The following EPHA6 variants were observed in gnomAD, a reference collection of about 807,000 sequenced individuals.
EPHA6 encodes EPH receptor A6.
A neutral mutation model predicts 112.0 loss-of-function variants in EPHA6; 50 were observed. The observed-to-expected ratio is 0.45, with a 90% CI of 0.36 to 0.56. The LOEUF is 0.56. Among genes scored for constraint, EPHA6 ranks in the 20% least tolerant of loss-of-function variants. EPHA6 has a pLI of 0.00. For synonymous variants in EPHA6, 529 were observed against 490.7 expected (o/e 1.08, Z -1.03); for missense variants, 1,280 against 1,417.4 (o/e 0.90, Z 1.56).
At chr3:97,122,246 G>A (rs1474579344) in intron 3 of EPHA6, among the ~76,000 whole-genome samples, 1 of 152,016 alleles carries the variant, frequency 6.6e-6, no homozygotes, top group Non-Finnish European at 1.5e-5. Context: ...AATCTCAGTT[G>A]CTTCTATGGT....
chr3:97,204,972 A>G (rs1224976866), intron 3 of EPHA6, among the ~76,000 whole-genome samples: 1 of 152,122 alleles, frequency 6.6e-6, no homozygotes, highest in Admixed American at 6.6e-5. Context: ...TATATTTTCC[A>G]TTAAAATTAC....
At chr3:97,137,528 A>T (rs949498849) in intron 3 of EPHA6, among the ~76,000 whole-genome samples, 21 of 152,214 alleles carry the variant, frequency 1.4e-4, no homozygotes, top group African/African-American at 5.1e-4. Context: ...GTACATGCTA[A>T]TGCTCATAAC....
intron 11 of EPHA6, among the ~76,000 whole-genome samples, chr3:97,591,611 C>G (rs1317337482): frequency 1.3e-5 from 2 of 151,932 alleles, no homozygotes; most frequent in Admixed American, 1.3e-4. Flanking sequence ...TTTGATTGGC[C>G]GTATCAGTTA....
chr3:97,044,500 A>G (rs1185385484), intron 3 of EPHA6, among the ~76,000 whole-genome samples: 2 of 152,176 alleles, frequency 1.3e-5, no homozygotes, highest in Non-Finnish European at 2.9e-5. Context: ...CTGATAAGTG[A>G]TGAGGAATGA....
intron 3 of EPHA6, among the ~76,000 whole-genome samples, chr3:97,123,099 C>A (rs1041011125): frequency 4.6e-5 from 7 of 151,970 alleles, no homozygotes; most frequent in African/African-American, 1.7e-4. Context: ...TTCATTTCAT[C>A]ACTTATCCAA....
chr3:97,202,443 G>A (rs1391312718), intron 3 of EPHA6, among the ~76,000 whole-genome samples: 3 of 151,650 alleles, frequency 2.0e-5, no homozygotes, highest in Admixed American at 2.0e-4. Context: ...CTACTTCCTG[G>A]ACTCAAGTCT....
chr3:96,907,312 T>C (rs2038986766), intron 2 of EPHA6, among the ~76,000 whole-genome samples: 1 of 151,860 alleles, frequency 6.6e-6, no homozygotes, highest in Non-Finnish European at 1.5e-5. Context: ...AAAGGTGTCA[T>C]TTATTATATA....
intron 3 of EPHA6, among the ~76,000 whole-genome samples, chr3:97,223,566 G>A (rs1331517568): frequency 6.6e-6 from 1 of 152,182 alleles, no homozygotes; most frequent in Non-Finnish European, 1.5e-5. Flanking sequence ...TGGGGGTGGG[G>A]AGCAAAACCA....
chr3:96,909,494 T>G (rs2039107804), intron 2 of EPHA6, among the ~76,000 whole-genome samples: 1 of 152,066 alleles, frequency 6.6e-6, no homozygotes, highest in Non-Finnish European at 1.5e-5. Flanking sequence ...TATGAGATTT[T>G]AAATTGACTA....
intron 2 of EPHA6, among the ~76,000 whole-genome samples, chr3:96,873,457 C>G (rs190846636): frequency 1.3e-5 from 2 of 152,210 alleles, no homozygotes; most frequent in African/African-American, 4.8e-5. Flanking sequence ...TTTCAACTGT[C>G]ACAAACATTA....
chr3:97,161,663 T>C (rs1324841699), intron 3 of EPHA6, among the ~76,000 whole-genome samples: 3 of 152,078 alleles, frequency 2.0e-5, no homozygotes, highest in African/African-American at 4.8e-5. Context: ...AACTTACCCT[T>C]CACCTTAGAA....
chr3:97,261,349 A>C (rs536350144), intron 5 of EPHA6, among the ~76,000 whole-genome samples: 29 of 152,306 alleles, frequency 1.9e-4, no homozygotes, highest in African/African-American at 6.7e-4. Context: ...AGTCAGATAC[A>C]CCATATCTCT....
intron 4 of EPHA6, among the ~76,000 whole-genome samples, chr3:97,230,174 T>C (rs865891013): frequency 1.3e-5 from 2 of 152,250 alleles, no homozygotes; most frequent in Admixed American, 6.5e-5. Flanking sequence ...TATCTTTTTA[T>C]TTTCTTAGGA....
chr3:97,607,464 T>C (rs2093688512), intron 12 of EPHA6, among the ~76,000 whole-genome samples: 1 of 151,128 alleles, frequency 6.6e-6, no homozygotes, highest in Admixed American at 6.6e-5. Context: ...GTTTTTGCAA[T>C]CCATCGTCTC....
intron 5 of EPHA6, among the ~76,000 whole-genome samples, chr3:97,271,326 T>A (rs2079871713): frequency 1.3e-5 from 2 of 152,248 alleles, no homozygotes; most frequent in South Asian, 4.1e-4. Context: ...TATTAAATGG[T>A]ATTTTACTGT....
intron 5 of EPHA6, among the ~76,000 whole-genome samples, chr3:97,284,587 G>A (rs367967759): frequency 1.3e-5 from 2 of 152,062 alleles, no homozygotes; most frequent in South Asian, 2.1e-4. Context: ...CTCCAAACAC[G>A]TGACTGCTGA....
intron 5 of EPHA6, among the ~76,000 whole-genome samples, chr3:97,275,856 A>G (rs1323154779): frequency 6.6e-6 from 1 of 151,946 alleles, no homozygotes; most frequent in Non-Finnish European, 1.5e-5. Flanking sequence ...GGAGGATGCA[A>G]AGGAGGCTTT....
chr3:97,364,329 T>A lies in EPHA6; in HGVS notation c.1607-40821T>A, dbSNP rs532414279. Among the ~76,000 whole-genome samples, 234 of 151,584 alleles carry A rather than the reference T, an allele frequency of 1.5e-3. 1 individual carries two copies. Among genetic ancestry groups the A allele is most frequent in the Non-Finnish European group, 2.5e-3 (170 of 67,812 alleles). ...AACCTGTTAGTGTTACCCAAACCAA[T>A]TTTTTGGAGTTTTAGTTTTTTTTTT... On this transcript the variant is annotated intron_variant, in intron 5 of 17. Coordinates refer to ENST00000389672, the MANE Select transcript of EPHA6 (RefSeq NM_001080448.3).
chr3:97,682,065 A>G (rs2031903989), intron 14 of EPHA6, among the ~76,000 whole-genome samples: 1 of 152,128 alleles, frequency 6.6e-6, no homozygotes, highest in African/African-American at 2.4e-5. Context: ...AAGCAGCATC[A>G]CACAGTGACT....
Sources: gnomAD v4.1 joint callset for allele counts (sites outside exome capture counted in the v4.1 genomes callset) on GRCh38, gnomAD v4.1.1 for gene constraint, MANE v1.5 for transcripts, NCBI Gene and HGNC (gene_info 2026-07-23, HGNC 2026-07-21) for gene names.